Variants in LITAF observed in about 807,000 individuals in gnomAD.
LITAF encodes the protein lipopolysaccharide-induced tumor necrosis factor-alpha factor.
Under a neutral mutation model 14.5 loss-of-function variants are expected in LITAF, and 9 were observed. The observed-to-expected ratio is 0.62, with a 90% CI of 0.37 to 1.08. The LOEUF is 1.08. LITAF is among the 50% of genes least tolerant of loss of function. LITAF has a pLI of 0.01. For missense variants in LITAF, 206 were observed against 213.4 expected (o/e 0.97, Z 0.22); for synonymous variants, 98 against 88.2 (o/e 1.11, Z -0.62).
chr16:11,592,049 T>C (rs1252741337), upstream of LITAF, among the ~76,000 whole-genome samples: 1 of 152,240 alleles, frequency 6.6e-6, no homozygotes, highest in East Asian at 1.9e-4. Flanking sequence ...ACAATTGTTT[T>C]ATAAATATGA....
At chr16:11,575,080 G>C (rs1002293362) in intron 1 of LITAF, among the ~76,000 whole-genome samples, 5 of 152,166 alleles carry the variant, frequency 3.3e-5, no homozygotes, top group African/African-American at 1.2e-4. Context: ...TGGCATTACA[G>C]GCGTGAGCCA....
intron 3 of LITAF, among the ~76,000 whole-genome samples, chr16:11,607,642 C>T (rs2064961411): frequency 6.6e-6 from 1 of 151,880 alleles, no homozygotes; most frequent in Non-Finnish European, 1.5e-5. Context: ...TAAGTTACCT[C>T]GAATCCATCT....
At chr16:11,588,458 G>A (rs546212757), upstream of LITAF, among the ~76,000 whole-genome samples, 24 of 151,318 alleles carry the variant, frequency 1.6e-4, no homozygotes, top group East Asian at 4.3e-3. Flanking sequence ...AGCTATAATC[G>A]AGCCACTGCA....
intron 1 of LITAF, among the ~76,000 whole-genome samples, chr16:11,565,887 G>A (rs573788523): frequency 1.3e-5 from 2 of 151,716 alleles, no homozygotes; most frequent in Non-Finnish European, 2.9e-5. Context: ...ATTCCTCCTG[G>A]AGCCTCTCTA....
Position 11,604,759 on chromosome 16 carries a change from T to G in LITAF, c.85+28774A>C, listed in dbSNP as rs2064946149. 3.0e-5 allele frequency among the ~76,000 whole-genome samples: 4 copies of G among 132,932 alleles called. No individual in the cohort carries two copies. The Admixed American group carries it at 3.2e-4, about 11-fold the overall frequency. 87.2% of individuals were successfully genotyped at this position (132,932 alleles called of 152,430 possible). A position where few individuals can be genotyped will look rare whatever the true frequency, so the allele number is the denominator to read the frequency against. On this transcript the variant is annotated intron_variant, in intron 3 of 3. Transcript: ENST00000574848. Reference sequence around the variant, plus strand: ...TAGATATTGCTGGGCACATGGCTTTTCTTTTCTTTTTTTTTTTTTAGGGTT... The same window carrying G: ...TAGATATTGCTGGGCACATGGCTTTGCTTTTCTTTTTTTTTTTTTAGGGTT...
In LITAF at chr16:11,548,389, A is replaced by T; in HGVS notation, c.*1248T>A. The T allele has an allele frequency of 2.2e-6, 1 of 454,028 alleles. No individual in the cohort carries two copies. 28.1% of individuals were successfully genotyped at this position (454,028 alleles called of 1,614,324 possible). Reference sequence around the variant, plus strand: ...TCTGAAAACTAAAATCAGACTTTAGATTCCTCTGAAACAGTTCTGGTTCCC... The same window carrying T: ...TCTGAAAACTAAAATCAGACTTTAGTTTCCTCTGAAACAGTTCTGGTTCCC... On this transcript the variant is annotated 3_prime_UTR_variant, in exon 4 of 4. Transcript: ENST00000622633.
In LITAF at chr16:11,560,783, G is replaced by A. The variant is rs151092987; in HGVS notation, c.-5-4048C>T. Among the ~76,000 whole-genome samples the A allele has an allele frequency of 5.4e-3, 817 of 152,264 alleles. 9 individuals are homozygous for A. The highest frequency in any genetic ancestry group is 0.018 in the African/African-American group (728 of 41,550). ...AAGCAAAGTAGAGAAGGCCACAGAA[G>A]CAGGAGGGCAGGGTGGGGCTGTAAT... On this transcript the variant is annotated intron_variant, in intron 1 of 3. Transcript: ENST00000622633.
At chr16:11,561,204 G>T (rs928153702) in intron 1 of LITAF, 1 of 152,220 alleles carries the variant, frequency 6.6e-6, no homozygotes, top group Non-Finnish European at 1.5e-5. Flanking sequence ...GGTCGTGATT[G>T]CCAATGGAAT....
intron 1 of LITAF, among the ~76,000 whole-genome samples, chr16:11,594,342 C>T (rs1334391767): frequency 6.6e-6 from 1 of 151,752 alleles, no homozygotes; most frequent in African/African-American, 2.4e-5. Flanking sequence ...TCTATGTGGG[C>T]ATAGCAAGAG....
At chr16:11,608,048 C>T (rs4781126) in intron 3 of LITAF, among the ~76,000 whole-genome samples, 1 of 152,200 alleles carries the variant, frequency 6.6e-6, no homozygotes, top group Admixed American at 6.5e-5. Flanking sequence ...AAACAGCTGG[C>T]TGAAGAAATA....
chr16:11,570,639 G>C (rs1159091766), intron 1 of LITAF, among the ~76,000 whole-genome samples: 1 of 152,170 alleles, frequency 6.6e-6, no homozygotes, highest in Non-Finnish European at 1.5e-5. Context: ...AGATGAGGGG[G>C]TTATTCTGGA....
At chr16:11,636,526 T>A (rs1467627114), upstream of LITAF, 1 of 152,684 alleles carries the variant, frequency 6.5e-6, no homozygotes, top group African/African-American at 2.4e-5. Context: ...TTTTGCATAG[T>A]GCATGAAGAA....
At chr16:11,622,487 A>C (rs1402187513) in intron 3 of LITAF, among the ~76,000 whole-genome samples, 1 of 152,174 alleles carries the variant, frequency 6.6e-6, no homozygotes, top group Admixed American at 6.5e-5. Context: ...CACACTTGTG[A>C]ACTTCATTTT....
At chr16:11,571,212 C>T (rs2064537023) in intron 1 of LITAF, among the ~76,000 whole-genome samples, 1 of 152,120 alleles carries the variant, frequency 6.6e-6, no homozygotes, top group African/African-American at 2.4e-5. Context: ...GGATTACAGG[C>T]ACCCAACACC....
intron 3 of LITAF, among the ~76,000 whole-genome samples, chr16:11,609,202 T>G (rs8046213): frequency 0.24 from 37,003 of 151,200 alleles, 5,450 homozygotes; most frequent in East Asian, 0.54. Flanking sequence ...AGCCTTTGAA[T>G]AGTAGACTTT....
chr16:11,552,616 G>A (rs548891387), intron 3 of LITAF, among the ~76,000 whole-genome samples: 5 of 152,320 alleles, frequency 3.3e-5, no homozygotes, highest in African/African-American at 7.2e-5. Flanking sequence ...CATGCAGGGC[G>A]TGGTTTCAGC....
Position 11,549,503 on chromosome 16 carries a change from C to G in LITAF, c.*134G>C, listed in dbSNP as rs779874120. 8 of 722,910 alleles carry G rather than the reference C, an allele frequency of 1.1e-5. No individual in the cohort carries two copies. Among genetic ancestry groups the G allele is most frequent in the East Asian group, 5.5e-5 (2 of 36,472 alleles). 44.8% of individuals were successfully genotyped at this position (722,910 alleles called of 1,614,324 possible). A position where few individuals can be genotyped will look rare whatever the true frequency, so the allele number is the denominator to read the frequency against. On this transcript the variant is annotated 3_prime_UTR_variant, in exon 4 of 4. Coordinates refer to ENST00000622633, the MANE Select transcript of LITAF (RefSeq NM_001136472.2). The surrounding 1 kb of genome is among the most constrained non-coding windows in gnomAD (Gnocchi z 4.6). ...TTGTTAGTTTTGCGACGTATTCCCC[C>G]CAAAAGAAGACATGAAGGTGGGCCC...
intron 3 of LITAF, among the ~76,000 whole-genome samples, chr16:11,630,428 C>T (rs1036475718): frequency 1.3e-5 from 2 of 152,166 alleles, no homozygotes; most frequent in African/African-American, 2.4e-5. Context: ...CCTGCTCTGG[C>T]GGGGACACCT....
intron 3 of LITAF, among the ~76,000 whole-genome samples, chr16:11,625,654 C>T (rs979956597): frequency 6.6e-6 from 1 of 152,116 alleles, no homozygotes; most frequent in Non-Finnish European, 1.5e-5. Flanking sequence ...ACCCTGAGTT[C>T]CCCTAGGTTG....
Sources: gnomAD v4.1 joint callset for allele counts (sites outside exome capture counted in the v4.1 genomes callset) on GRCh38, gnomAD v4.1.1 for gene constraint, Gnocchi (gnomAD v3.1) non-coding constraint, MANE v1.5 for transcripts, NCBI Gene and HGNC (gene_info 2026-07-23, HGNC 2026-07-21) for gene names.